Variants in CSMD3 observed in about 807,000 individuals in gnomAD.
CSMD3 encodes CUB and sushi domain-containing protein 3.
In CSMD3, 177 loss-of-function variants were observed where a neutral mutation model predicts 435.2. That is an observed-to-expected ratio of 0.41 (90% CI 0.36 to 0.46). The LOEUF is 0.46. CSMD3 is among the 20% of genes least tolerant of loss of function. The pLI, the probability that CSMD3 is intolerant of heterozygous loss-of-function variation, is 0.34. For synonymous variants in CSMD3, 1,656 were observed against 1,520.5 expected (o/e 1.09, Z -2.07); for missense variants, 4,265 against 4,504.6 (o/e 0.95, Z 1.52).
chr8:112,485,775 C>T (rs977439395), intron 31 of CSMD3, among the ~76,000 whole-genome samples: 3 of 152,000 alleles, frequency 2.0e-5, no homozygotes, highest in African/African-American at 7.2e-5. Context: ...CTTTAATTAA[C>T]AGGGTAAGAG....
intron 12 of CSMD3, among the ~76,000 whole-genome samples, chr8:112,810,758 G>A (rs12680860): frequency 0.041 from 6,261 of 152,076 alleles, 357 homozygotes; most frequent in East Asian, 0.26. Context: ...TATTACTTAC[G>A]TGATTGATGA....
rs2130830755 is a variant in CSMD3, at chr8:112,313,941, C to T, written c.7661G>A (p.Gly2554Asp). The change falls in exon 49 of 71, where the codon GGC (glycine) becomes GAC (aspartate). Residue 2554 changes from glycine (G) to aspartate (D), a missense_variant. Gly to Asp is a moderately conservative substitution (Grantham distance 94). This residue lies in a region of CSMD3 where 3,255 missense variants were observed against 3,380.2 expected (regional missense o/e 0.96). Coordinates refer to ENST00000297405, the MANE Select transcript of CSMD3 (RefSeq NM_198123.2). ...EVFLQWSADH[G>D]NNKKGFRIRY... ...TATCCGGAAGCCTTTTTTGTTATTG[C>T]CATGATCTGCTGACCACTGAAGAAA... 5.0e-6 allele frequency: 8 copies of T among 1,612,194 alleles called. No homozygotes were observed. Among genetic ancestry groups the T allele is most frequent in the Non-Finnish European group, 6.8e-6 (8 of 1,178,640 alleles).
intron 13 of CSMD3, among the ~76,000 whole-genome samples, chr8:112,693,811 C>T (rs144839900): frequency 1.5e-3 from 220 of 151,690 alleles, no homozygotes; most frequent in South Asian, 3.5e-3. Flanking sequence ...CCTCATGTTG[C>T]GCAAACTTTC....
In CSMD3 at chr8:113,436,666, A is replaced by G; in HGVS notation, c.178+11T>C. 6.2e-7 allele frequency: 1 copy of G among 1,614,120 alleles called. No individual in the cohort carries two copies. Among genetic ancestry groups the G allele is most frequent in the Non-Finnish European group, 8.5e-7 (1 of 1,179,972 alleles). On this transcript the variant is annotated intron_variant, in intron 1 of 70. Coordinates refer to ENST00000297405, the MANE Select transcript of CSMD3 (RefSeq NM_198123.2). Reference sequence around the variant, plus strand: ...CATCCAAAGCGGAGGGGACCCCCAAAGCAGACCTACCTTTCACACAAGACA... The same window carrying G: ...CATCCAAAGCGGAGGGGACCCCCAAGGCAGACCTACCTTTCACACAAGACA...
chr8:112,408,856 C>T, intron 33 of CSMD3, 63 bp downstream of exon 33: 1 of 1,611,208 alleles, frequency 6.2e-7, no homozygotes, highest in East Asian at 2.2e-5. Context: ...ACTTTCACTA[C>T]AATACTAATC....
intron 9 of CSMD3, among the ~76,000 whole-genome samples, chr8:112,931,371 G>C (rs1255329110): frequency 6.6e-6 from 1 of 151,844 alleles, no homozygotes. Flanking sequence ...AATAAATGGT[G>C]CTGGGAAAAC....
At chr8:112,863,606 T>C (rs1295634030) in intron 10 of CSMD3, among the ~76,000 whole-genome samples, 2 of 152,092 alleles carry the variant, frequency 1.3e-5, no homozygotes, top group African/African-American at 4.8e-5. Flanking sequence ...AATTTCTTTA[T>C]TATCCATTAT....
intron 3 of CSMD3, among the ~76,000 whole-genome samples, chr8:113,233,584 T>G (rs2093114611): frequency 6.6e-6 from 1 of 151,296 alleles, no homozygotes; most frequent in Non-Finnish European, 1.5e-5. Context: ...ATATAGATAA[T>G]TAAATGTAAA....
chr8:112,469,371 T>A (rs1818294913), intron 32 of CSMD3, among the ~76,000 whole-genome samples: 1 of 152,146 alleles, frequency 6.6e-6, no homozygotes, highest in Non-Finnish European at 1.5e-5. Context: ...TGTGTAATGT[T>A]GGTTATATGT....
Position 112,383,725 on chromosome 8 carries a change from C to T in CSMD3, c.5935-62G>A, listed in dbSNP as rs1331638468. On this transcript the variant is annotated intron_variant, in intron 36 of 70. Coordinates refer to ENST00000297405, the MANE Select transcript of CSMD3 (RefSeq NM_198123.2). Reference sequence around the variant, plus strand: ...CTAACCAGATACACATAACTATAGTCCACCAATCCCCCTTGGAAAAGAGAG... The same window carrying T: ...CTAACCAGATACACATAACTATAGTTCACCAATCCCCCTTGGAAAAGAGAG... 5.1e-6 allele frequency: 5 copies of T among 972,530 alleles called. No individual in the cohort carries two copies. In the South Asian group the frequency reaches 5.2e-5, roughly 10 times the overall value. 60.2% of individuals were successfully genotyped at this position (972,530 alleles called of 1,614,324 possible). A position where few individuals can be genotyped will look rare whatever the true frequency, so the allele number is the denominator to read the frequency against.
At chr8:113,248,470 T>A (rs2093300341) in intron 3 of CSMD3, among the ~76,000 whole-genome samples, 1 of 134,318 alleles carries the variant, frequency 7.4e-6, no homozygotes, top group South Asian at 2.3e-4. Context: ...GTGTGTGTGA[T>A]ATATATGTAT....
chr8:112,298,736 CA>C (rs909623183), intron 53 of CSMD3, among the ~76,000 whole-genome samples: 7 of 151,884 alleles, frequency 4.6e-5, no homozygotes, highest in African/African-American at 1.7e-4. Context: ...TTCATTAAGA[CA>C]AAAAATATTA....
intron 3 of CSMD3, among the ~76,000 whole-genome samples, chr8:113,218,203 C>G (rs2132115158): frequency 6.7e-6 from 1 of 148,530 alleles, no homozygotes; most frequent in African/African-American, 2.5e-5. Flanking sequence ...AGGCACAAAA[C>G]TATAGGGAAT....
At chr8:112,719,344 G>A (rs1041763106) in intron 13 of CSMD3, among the ~76,000 whole-genome samples, 3 of 152,108 alleles carry the variant, frequency 2.0e-5, no homozygotes, top group Admixed American at 6.6e-5. Context: ...AGAAAGAGTA[G>A]GTACACTGCT....
In CSMD3 at chr8:113,278,596, G is replaced by A. The variant is rs17608189; in HGVS notation, c.510C>T (p.Tyr170=). ...TTTGCCACTACCATCACTTACCTTC[G>A]TAATATACCTTAAATCCATGAGCAC... The part of the protein sequence containing the change: ...AVSAHGFKVY[Y]EELQSSSCGN... The change falls in exon 3 of 71, where the codon TAC becomes TAT. Residue 170 remains tyrosine, a synonymous_variant. Coordinates refer to ENST00000297405, the MANE Select transcript of CSMD3 (RefSeq NM_198123.2). 43,074 of 1,484,066 alleles carry A rather than the reference G, an allele frequency of 0.029. 820 individuals carry two copies. Among genetic ancestry groups the A allele is most frequent in the Middle Eastern group, 0.036 (209 of 5,788 alleles). The allele number at this position is 1,484,066 out of a possible 1,614,324, so 91.9% of individuals were successfully genotyped here. A position where few individuals can be genotyped will look rare whatever the true frequency, so the allele number is the denominator to read the frequency against.
At chr8:112,245,675 C>T (rs537338797) in intron 64 of CSMD3, among the ~76,000 whole-genome samples, 119 of 152,142 alleles carry the variant, frequency 7.8e-4, no homozygotes, top group African/African-American at 2.8e-3. Context: ...GGAGCTGGGA[C>T]TACAGGCACC....
chr8:112,305,686 T>C (rs1310287892), intron 51 of CSMD3, among the ~76,000 whole-genome samples: 1 of 152,126 alleles, frequency 6.6e-6, no homozygotes, highest in African/African-American at 2.4e-5. Context: ...TAACACAGTC[T>C]TTAAAAATTT....
intron 3 of CSMD3, among the ~76,000 whole-genome samples, chr8:113,190,690 T>C (rs1051174619): frequency 6.6e-6 from 1 of 151,740 alleles, no homozygotes; most frequent in Non-Finnish European, 1.5e-5. Flanking sequence ...CTCTGGTTTT[T>C]TTTTTTTATC....
intron 45 of CSMD3, among the ~76,000 whole-genome samples, chr8:112,320,816 G>T (rs2130873098): frequency 6.6e-6 from 1 of 152,218 alleles, no homozygotes; most frequent in South Asian, 2.1e-4. Flanking sequence ...TGACAGAGCT[G>T]AGATTTGAAC....
Sources: gnomAD v4.1 joint callset for allele counts (sites outside exome capture counted in the v4.1 genomes callset) on GRCh38, gnomAD v4.1.1 for gene constraint, gnomAD v4.1.1 regional missense constraint, MANE v1.5 for transcripts, NCBI Gene and HGNC (gene_info 2026-07-23, HGNC 2026-07-21) for gene names.